RGS21: variants seen among roughly 807,000 people sequenced by gnomAD.
The protein encoded by RGS21 is regulator of G protein signaling 21, also known as regulator of G-protein signalling 21.
A neutral mutation model predicts 18.7 loss-of-function variants in RGS21; 19 were observed. The observed-to-expected ratio is 1.01, with a 90% CI of 0.71 to 1.49. The LOEUF (loss-of-function observed/expected upper bound fraction) is 1.49, where lower values mean the gene tolerates loss of function less well. RGS21 is among the 40% of genes most tolerant of loss of function. The pLI, the probability that RGS21 is intolerant of heterozygous loss-of-function variation, is 0.00. For synonymous variants in RGS21, 56 were observed against 57.8 expected (o/e 0.97, Z 0.14); for missense variants, 194 against 176.8 (o/e 1.10, Z -0.55).
chr1:192,349,699 T>C (rs1208375795), intron 3 of RGS21, among the ~76,000 whole-genome samples: 1 of 152,192 alleles, frequency 6.6e-6, no homozygotes, highest in Non-Finnish European at 1.5e-5. Context: ...TTTAGTTTTT[T>C]AAGCTGTTTA....
chr1:192,319,979 G>C (rs927847603), intron 1 of RGS21, among the ~76,000 whole-genome samples: 21 of 151,410 alleles, frequency 1.4e-4, no homozygotes, highest in African/African-American at 5.1e-4. Flanking sequence ...GAAGCCTTTG[G>C]GTAAAGGGAA....
At chr1:192,358,172 C>T (rs1295336057) in intron 4 of RGS21, among the ~76,000 whole-genome samples, 1 of 151,992 alleles carries the variant, frequency 6.6e-6, no homozygotes, top group Non-Finnish European at 1.5e-5. Context: ...CATCTGGTTT[C>T]TATTCAGTTC....
intron 1 of RGS21, among the ~76,000 whole-genome samples, chr1:192,329,829 C>T (rs907439441): frequency 6.6e-6 from 1 of 152,002 alleles, no homozygotes; most frequent in African/African-American, 2.4e-5. Flanking sequence ...ATATTCTTTG[C>T]CTTTTCCATA....
At chr1:192,322,411 T>G (rs954536452) in intron 1 of RGS21, among the ~76,000 whole-genome samples, 1 of 152,112 alleles carries the variant, frequency 6.6e-6, no homozygotes, top group Non-Finnish European at 1.5e-5. Flanking sequence ...TTCACAGTTC[T>G]AATGAATGGC....
intron 1 of RGS21, among the ~76,000 whole-genome samples, chr1:192,322,784 C>T (rs1053499598): frequency 1.3e-5 from 2 of 152,058 alleles, no homozygotes; most frequent in African/African-American, 4.8e-5. Flanking sequence ...ATTCTAATAA[C>T]TGCAAAAAGT....
chr1:192,319,724 A>G (rs528672101), intron 1 of RGS21, among the ~76,000 whole-genome samples: 36 of 152,110 alleles, frequency 2.4e-4, no homozygotes, highest in Non-Finnish European at 4.7e-4. Context: ...AAGGCACCTA[A>G]GTGGATAAAA....
intron 1 of RGS21, among the ~76,000 whole-genome samples, chr1:192,335,604 A>T (rs2102226916): frequency 6.6e-6 from 1 of 152,346 alleles, no homozygotes; most frequent in Admixed American, 6.5e-5. Context: ...TAGATAAGAA[A>T]AAAGACTGGA....
intron 1 of RGS21, among the ~76,000 whole-genome samples, chr1:192,325,435 C>T (rs573142598): frequency 3.3e-5 from 5 of 152,044 alleles, no homozygotes; most frequent in East Asian, 1.9e-4. Context: ...TGTGTCTTTT[C>T]GGTAGAACAA....
chr1:192,366,429 C>T lies in RGS21; in HGVS notation c.*305C>T, dbSNP rs376577152. 1.3e-4 allele frequency: 23 copies of T among 176,366 alleles called. No individual in the cohort carries two copies. The highest frequency in any genetic ancestry group is 1.1e-3 in the East Asian group (7 of 6,354). 10.9% of individuals were successfully genotyped at this position (176,366 alleles called of 1,614,324 possible). ...ATGTAAGGAATTATACATATCTTCA[C>T]GTGGCAGAATGAAAGACTTTTGAGC... On this transcript the variant is annotated 3_prime_UTR_variant, in exon 5 of 5. Coordinates refer to ENST00000417209, the MANE Select transcript of RGS21 (RefSeq NM_001039152.3).
At position 192,352,084 on chromosome 1, in the gene RGS21, G is replaced by A. The variant is rs1424130161; in HGVS notation, c.126G>A (p.Glu42=). The A allele has an allele frequency of 6.2e-7, 1 of 1,603,096 alleles. No homozygotes were observed. The highest frequency in any genetic ancestry group is 8.5e-7 in the Non-Finnish European group (1 of 1,176,194). Residue 42 remains glutamate (E), a synonymous_variant, in exon 4 of 5, where the codon GAG becomes GAA. Coordinates refer to ENST00000417209, the MANE Select transcript of RGS21 (RefSeq NM_001039152.3). ...CTTTTCGAATATTTCTAAAATCAGA[G>A]TTTAGTGAAGAAAATGTTGAGTTCT... The part of the protein sequence containing the change: ...LDAFRIFLKS[E]FSEENVEFWL...
intron 1 of RGS21, among the ~76,000 whole-genome samples, chr1:192,332,247 A>G (rs1399272001): frequency 6.6e-6 from 1 of 152,166 alleles, no homozygotes; most frequent in African/African-American, 2.4e-5. Flanking sequence ...AAAATATCTC[A>G]TAAAACCAGT....
At chr1:192,322,251 G>T (rs1658507975) in intron 1 of RGS21, among the ~76,000 whole-genome samples, 1 of 139,470 alleles carries the variant, frequency 7.2e-6, no homozygotes, top group Admixed American at 6.9e-5. Context: ...TATAAATTTT[G>T]TGTCAGCAGA....
Position 192,319,255 on chromosome 1 carries a change from A to T in RGS21, c.-61+2150A>T, listed in dbSNP as rs975564153. Among the ~76,000 whole-genome samples, 10 of 152,200 alleles carry T rather than the reference A, an allele frequency of 6.6e-5. No homozygotes were observed. The South Asian group carries it at 1.0e-3, about 16-fold the overall frequency. On this transcript the variant is annotated intron_variant, in intron 1 of 4. Transcript: ENST00000417209. ...AGAGAACAGAACCCTTTCTCTAAAA[A>T]TCCAAAAAATAATCCAATGAGCTTT...
chr1:192,330,168 T>A (rs1658624587), intron 1 of RGS21, among the ~76,000 whole-genome samples: 1 of 152,056 alleles, frequency 6.6e-6, no homozygotes, highest in Admixed American at 6.6e-5. Flanking sequence ...ACACTAGAAG[T>A]ACACAAGATA....
intron 1 of RGS21, among the ~76,000 whole-genome samples, chr1:192,323,948 GA>G (rs76333190): frequency 6.6e-6 from 1 of 151,440 alleles, no homozygotes; most frequent in Non-Finnish European, 1.5e-5. Flanking sequence ...TGTTTGTAAG[GA>G]AAAAAAACCT....
intron 1 of RGS21, among the ~76,000 whole-genome samples, chr1:192,318,504 C>T (rs1008345369): frequency 2.6e-5 from 4 of 152,068 alleles, no homozygotes; most frequent in African/African-American, 9.7e-5. Context: ...CTGTTCAGGC[C>T]TTTATGCGAT....
intron 2 of RGS21, among the ~76,000 whole-genome samples, chr1:192,346,164 G>T (rs1339930419): frequency 6.6e-6 from 1 of 152,072 alleles, no homozygotes; most frequent in Admixed American, 6.6e-5. Context: ...CTTAGCTACA[G>T]TGTCCTCTCT....
At chr1:192,347,248 C>T in intron 2 of RGS21, 65 bp from the exon 3 acceptor site, 1 of 964,952 alleles carries the variant, frequency 1.0e-6, no homozygotes, top group Non-Finnish European at 1.7e-6. Flanking sequence ...ACTCAAAATA[C>T]ATGTAACTCG....
At chr1:192,326,964 T>A (rs1400503992) in intron 1 of RGS21, among the ~76,000 whole-genome samples, 3 of 152,180 alleles carry the variant, frequency 2.0e-5, no homozygotes, top group African/African-American at 7.2e-5. Flanking sequence ...TCTTTTATCC[T>A]GTTTTAGAGT....
Sources: allele counts gnomAD v4.1 joint callset (sites outside exome capture counted in the v4.1 genomes callset), GRCh38; gene constraint gnomAD v4.1.1; transcripts MANE v1.5; gene names NCBI Gene and HGNC (gene_info 2026-07-23, HGNC 2026-07-21).